Variants in XKR9 observed in about 807,000 individuals in gnomAD.
XKR9 encodes the protein XK related 9, also known as XK-related protein 9.
In XKR9, 32 loss-of-function variants were observed where a neutral mutation model predicts 32.0. The ratio of observed to expected loss-of-function variants is 1.00; its 90% CI spans 0.76 to 1.34. The LOEUF (loss-of-function observed/expected upper bound fraction) is 1.34, where lower values mean the gene tolerates loss of function less well. Ranked by LOEUF, XKR9 falls within the 40% of genes most tolerant of loss-of-function variation. The probability of loss-of-function intolerance (pLI) is 0.00; values close to 1 mark genes in which losing one functional copy is unlikely to be tolerated. For missense variants in XKR9, 546 were observed against 429.7 expected, an observed-to-expected ratio of 1.27 and a Z score of -2.39; for synonymous variants, 168 against 143.4, an observed-to-expected ratio of 1.17 and a Z score of -1.22.
At chr8:70,915,927 C>T in the XKR9 span, among the ~76,000 whole-genome samples, 2 of 152,166 alleles carry the variant, frequency 1.3e-5, no homozygotes, top group Admixed American at 6.6e-5. Context: ...ATGATTAAGT[C>T]AACCACAAGC....
chr8:70,960,248 C>A, the XKR9 span, among the ~76,000 whole-genome samples: 2 of 132,136 alleles, frequency 1.5e-5, no homozygotes, highest in African/African-American at 5.1e-5. Context: ...TCCGTCCCCC[C>A]CAAAAAAAAA....
chr8:70,790,144 C>A (rs1439044383), exon 4 of XKR9: 1 of 145,166 alleles, frequency 6.9e-6, no homozygotes. Context: ...TCGGCTGTTT[C>A]TTATAGCAAG....
At chr8:70,697,263 G>T (rs1449825491) in intron 3 of XKR9, among the ~76,000 whole-genome samples, 1 of 151,642 alleles carries the variant, frequency 6.6e-6, no homozygotes, top group East Asian at 1.9e-4. Context: ...TCTTGTGCCA[G>T]TTTTCAAAGG....
chr8:70,811,924 C>T, the XKR9 span, among the ~76,000 whole-genome samples: 2 of 152,078 alleles, frequency 1.3e-5, no homozygotes, highest in African/African-American at 4.8e-5. Context: ...AGAGGGAATC[C>T]TCCCTAACTC....
chr8:70,989,021 C>G, the XKR9 span, among the ~76,000 whole-genome samples: 2 of 152,196 alleles, frequency 1.3e-5, no homozygotes, highest in African/African-American at 4.8e-5. Context: ...GTATTATATT[C>G]CATTACACGT....
intron 2 of XKR9, among the ~76,000 whole-genome samples, chr8:70,743,045 G>T (rs563100803): frequency 1.3e-5 from 2 of 152,000 alleles, no homozygotes; most frequent in Non-Finnish European, 2.9e-5. Context: ...ACTTCCAAAT[G>T]TGTTAGACCT....
At chr8:70,754,867 T>A (rs1171149059) in intron 2 of XKR9, among the ~76,000 whole-genome samples, 1 of 151,968 alleles carries the variant, frequency 6.6e-6, no homozygotes, top group Admixed American at 6.6e-5. Flanking sequence ...GGACTTCCTG[T>A]CTAAAACACC....
Position 70,689,558 on chromosome 8 carries a change from A to G in XKR9, c.272+8228A>G, listed in dbSNP as rs1187794351. Among the ~76,000 whole-genome samples, 4 of 150,870 alleles carry G rather than the reference A, an allele frequency of 2.7e-5. No homozygotes were observed. In the South Asian group the frequency reaches 6.3e-4, roughly 24 times the overall value. ...TCTTCTAGAAATTTATCATACTTGC[A>G]TACATGTAAAGTGACATATGCACAC... On this transcript the variant is annotated intron_variant, in intron 3 of 4. Coordinates refer to ENST00000408926, the MANE Select transcript of XKR9 (RefSeq NM_001011720.2).
At chr8:70,940,598 T>C in the XKR9 span, among the ~76,000 whole-genome samples, 35 of 152,144 alleles carry the variant, frequency 2.3e-4, no homozygotes, top group Admixed American at 2.0e-3. Flanking sequence ...GTTTTATTTC[T>C]TTATAACACT....
At chr8:70,691,772 G>A (rs1238800530) in intron 3 of XKR9, among the ~76,000 whole-genome samples, 2 of 152,088 alleles carry the variant, frequency 1.3e-5, no homozygotes, top group Non-Finnish European at 2.9e-5. Flanking sequence ...ATTGGTCTGT[G>A]TGTCTGTTTT....
At chr8:70,739,126 G>C (rs1282581017), downstream of XKR9, among the ~76,000 whole-genome samples, 2 of 151,912 alleles carry the variant, frequency 1.3e-5, no homozygotes, top group South Asian at 4.2e-4. Flanking sequence ...GGTCACTCAG[G>C]ACTTGCTTTA....
At chr8:70,923,684 G>A in the XKR9 span, among the ~76,000 whole-genome samples, 2 of 152,260 alleles carry the variant, frequency 1.3e-5, no homozygotes, top group African/African-American at 4.8e-5. Flanking sequence ...ATCATGTGAT[G>A]TGGTGTTGAA....
chr8:70,968,725 A>C, the XKR9 span, among the ~76,000 whole-genome samples: 2 of 151,782 alleles, frequency 1.3e-5, no homozygotes, highest in Non-Finnish European at 1.5e-5. Flanking sequence ...CTGGGGGTCC[A>C]CTCCAGACCT....
chr8:70,875,796 C>T, the XKR9 span, among the ~76,000 whole-genome samples: 9,736 of 152,102 alleles, frequency 0.064, 435 homozygotes, highest in Non-Finnish European at 0.091. Flanking sequence ...TTCCTAAAGA[C>T]GAAAATTCTT....
At chr8:70,797,114 ATCC>A in the XKR9 span, among the ~76,000 whole-genome samples, 5 of 152,204 alleles carry the variant, frequency 3.3e-5, no homozygotes, top group Non-Finnish European at 7.3e-5. Context: ...TCACACATGA[ATCC>A]CTTTTCAACT....
chr8:70,770,765 C>T (rs1015807558), intron 2 of XKR9, among the ~76,000 whole-genome samples: 1 of 152,182 alleles, frequency 6.6e-6, no homozygotes, highest in Non-Finnish European at 1.5e-5. Flanking sequence ...CCCCTCCCCC[C>T]ACCAACCTGG....
At chr8:70,712,908 G>A (rs1341007315) in intron 4 of XKR9, among the ~76,000 whole-genome samples, 1 of 152,024 alleles carries the variant, frequency 6.6e-6, no homozygotes, top group East Asian at 1.9e-4. Context: ...ACAAAAGTTT[G>A]ACAGTAGTTT....
chr8:70,694,651 C>T (rs62530777), intron 3 of XKR9, among the ~76,000 whole-genome samples: 11,081 of 152,144 alleles, frequency 0.073, 476 homozygotes, highest in Non-Finnish European at 0.089. Context: ...GATGGCAGCC[C>T]GCCCCTCCTC....
the XKR9 span, among the ~76,000 whole-genome samples, chr8:71,018,714 G>T: frequency 6.6e-6 from 1 of 152,160 alleles, no homozygotes; most frequent in Admixed American, 6.5e-5. Context: ...AATTAGCAAG[G>T]ATGGGAAAGT....
Sources: gnomAD v4.1 joint callset for allele counts (sites outside exome capture counted in the v4.1 genomes callset) on GRCh38, gnomAD v4.1.1 for gene constraint, MANE v1.5 for transcripts, NCBI Gene and HGNC (gene_info 2026-07-23, HGNC 2026-07-21) for gene names.